RCAN2: variants seen among roughly 807,000 people sequenced by gnomAD.
The protein encoded by RCAN2 is calcipressin-2.
In RCAN2, 9 loss-of-function variants were observed where a neutral mutation model predicts 23.6. That is an observed-to-expected ratio of 0.38 (90% confidence interval 0.23 to 0.67). The LOEUF is 0.67. Ranked by LOEUF, RCAN2 falls within the 30% of genes least tolerant of loss-of-function variation. RCAN2 has a pLI of 0.51. For synonymous variants in RCAN2, 109 were observed against 115.7 expected, an observed-to-expected ratio of 0.94 and a Z score of 0.37; for missense variants, 273 against 302.3, an observed-to-expected ratio of 0.90 and a Z score of 0.72.
chr6:46,273,138 A>C (rs1260028705), intron 2 of RCAN2, among the ~76,000 whole-genome samples: 1 of 152,208 alleles, frequency 6.6e-6, no homozygotes, highest in Non-Finnish European at 1.5e-5. Context: ...TTGCGGTTCC[A>C]ACATCTTGGA....
At chr6:46,467,382 T>C (rs868113816) in intron 1 of RCAN2, among the ~76,000 whole-genome samples, 20 of 152,142 alleles carry the variant, frequency 1.3e-4, no homozygotes, top group African/African-American at 4.3e-4. Context: ...TATAGTGCTG[T>C]TTTGAAGATT....
chr6:46,303,018 C>A (rs377378147), intron 2 of RCAN2, among the ~76,000 whole-genome samples: 44 of 151,982 alleles, frequency 2.9e-4, no homozygotes, highest in African/African-American at 1.0e-3. Context: ...TCTGACATGG[C>A]AGGAAATGAT....
chr6:46,354,476 C>G (rs973464643), intron 2 of RCAN2, among the ~76,000 whole-genome samples: 2 of 152,194 alleles, frequency 1.3e-5, no homozygotes, highest in Non-Finnish European at 2.9e-5. Flanking sequence ...GATGTTACCA[C>G]TGGAGAAAGC....
At position 46,248,889 on chromosome 6, in the gene RCAN2, A is replaced by G. The variant is rs777363221; in HGVS notation, c.233T>C (p.Phe78Ser). 3 of 1,602,834 alleles carry G rather than the reference A, an allele frequency of 1.9e-6. No individual in the cohort carries two copies. Among genetic ancestry groups the G allele is most frequent in the South Asian group, 2.2e-5 (2 of 89,078 alleles). Residue 78 changes from phenylalanine to serine, a missense_variant, in exon 3 of 5, where the codon TTT becomes TCT. Phe to Ser is a radical substitution (Grantham distance 155). Transcript: ENST00000371374. ...VFEGEESKEK[F>S]EGLFRTYDDC... ...ATCATAAGTCCGAAACAGTCCCTCA[A>G]ATTTTTCCTGATAAAAACAAACACA...
intron 2 of RCAN2, among the ~76,000 whole-genome samples, chr6:46,443,123 TC>T (rs954944657): frequency 1.3e-5 from 2 of 152,214 alleles, no homozygotes; most frequent in African/African-American, 2.4e-5. Context: ...ACTATAAATG[TC>T]ACTTTTACCT....
At chr6:46,364,377 T>C (rs1199935582) in intron 2 of RCAN2, among the ~76,000 whole-genome samples, 1 of 152,076 alleles carries the variant, frequency 6.6e-6, no homozygotes, top group Non-Finnish European at 1.5e-5. Context: ...AAAAGTACAC[T>C]GATCAGAAAA....
intron 2 of RCAN2, among the ~76,000 whole-genome samples, chr6:46,288,589 A>G (rs1362968573): frequency 1.3e-5 from 2 of 152,264 alleles, no homozygotes. Flanking sequence ...TCAAAAAGTT[A>G]TCTGCATTTC....
intron 2 of RCAN2, among the ~76,000 whole-genome samples, chr6:46,278,571 T>G (rs1158825745): frequency 6.6e-6 from 1 of 152,242 alleles, no homozygotes; most frequent in African/African-American, 2.4e-5. Context: ...TTATAATCTA[T>G]AAACCACTTT....
chr6:46,369,446 TATA>T (rs1765267569), intron 2 of RCAN2, among the ~76,000 whole-genome samples: 1 of 152,210 alleles, frequency 6.6e-6, no homozygotes, highest in Non-Finnish European at 1.5e-5. Flanking sequence ...TGACTGACAG[TATA>T]ATATGTTTGT....
chr6:46,256,809 T>C (rs1307244961), intron 2 of RCAN2, among the ~76,000 whole-genome samples: 1 of 152,182 alleles, frequency 6.6e-6, no homozygotes, highest in Non-Finnish European at 1.5e-5. Context: ...TGTAGAAACA[T>C]ACATTGAAGC....
chr6:46,229,795 A>T (rs1293940293), intron 4 of RCAN2, among the ~76,000 whole-genome samples: 1 of 152,168 alleles, frequency 6.6e-6, no homozygotes, highest in African/African-American at 2.4e-5. Context: ...GTCATTCTCC[A>T]TCCAGCTTTG....
At chr6:46,450,946 A>G (rs1767863108) in intron 2 of RCAN2, among the ~76,000 whole-genome samples, 1 of 152,110 alleles carries the variant, frequency 6.6e-6, no homozygotes, top group Admixed American at 6.6e-5. Context: ...AGTAATAAGT[A>G]TGGGAGGTAA....
chr6:46,472,988 C>A (rs1768611399), intron 1 of RCAN2, among the ~76,000 whole-genome samples: 1 of 152,126 alleles, frequency 6.6e-6, no homozygotes, highest in African/African-American at 2.4e-5. Flanking sequence ...CTCAGAATAC[C>A]AAGCTTAAGC....
intron 2 of RCAN2, among the ~76,000 whole-genome samples, chr6:46,403,759 C>G (rs1766323870): frequency 6.6e-6 from 1 of 152,028 alleles, no homozygotes; most frequent in South Asian, 2.1e-4. Context: ...AAATAAATCT[C>G]TACACAAAGT....
intron 2 of RCAN2, among the ~76,000 whole-genome samples, chr6:46,366,210 T>C (rs114639590): frequency 0.018 from 2,776 of 152,316 alleles, 35 homozygotes; most frequent in Non-Finnish European, 0.031. Context: ...TTTCCTTTCT[T>C]GCTTTCTTCC....
rs73457929 is a variant in RCAN2 at position 46,487,957 on chromosome 6, C to T, written c.-3+3216G>A. On this transcript the variant is annotated intron_variant, in intron 1 of 4. Coordinates refer to ENST00000371374, the MANE Select transcript of RCAN2 (RefSeq NM_001251974.2). ...TCACACTCCCTAGAGAGCATCTAAC[C>T]GACCTCTTGTTCCATGAATATACAG... 8.8e-3 allele frequency among the ~76,000 whole-genome samples: 1,345 copies of T among 152,240 alleles called. 26 individuals carry two copies. Among genetic ancestry groups the T allele is most frequent in the African/African-American group, 0.03 (1,265 of 41,520 alleles).
intron 2 of RCAN2, among the ~76,000 whole-genome samples, chr6:46,337,754 C>T (rs916843349): frequency 1.3e-5 from 2 of 152,194 alleles, no homozygotes; most frequent in African/African-American, 2.4e-5. Context: ...TCTCTAGCTC[C>T]GTCTTCTGAA....
chr6:46,242,392 G>T (rs975100843), intron 4 of RCAN2, among the ~76,000 whole-genome samples: 4 of 152,120 alleles, frequency 2.6e-5, no homozygotes, highest in Non-Finnish European at 5.9e-5. Context: ...TGCCTCTGGG[G>T]GCAGCCAGTC....
chr6:46,327,981 C>T (rs1158397656), intron 2 of RCAN2, among the ~76,000 whole-genome samples: 2 of 152,188 alleles, frequency 1.3e-5, no homozygotes, highest in African/African-American at 4.8e-5. Flanking sequence ...CATCAAGAAA[C>T]AACAGCAAAG....
Sources: allele counts gnomAD v4.1 joint callset (sites outside exome capture counted in the v4.1 genomes callset), GRCh38; gene constraint gnomAD v4.1.1; transcripts MANE v1.5; gene names NCBI Gene and HGNC (gene_info 2026-07-23, HGNC 2026-07-21).